SLC67A2: variants seen among roughly 807,000 people sequenced by gnomAD.
SLC67A2 encodes the protein solute carrier family 67 member A2.
chr2:102,726,048 C>CA, the SLC67A2 span, among the ~76,000 whole-genome samples: 1 of 152,192 alleles, frequency 6.6e-6, no homozygotes, highest in Non-Finnish European at 1.5e-5. Flanking sequence ...CGCTACGCCG[C>CA]ATTCACAGGA....
chr2:102,720,747 G>A, the SLC67A2 span, among the ~76,000 whole-genome samples: 1 of 152,212 alleles, frequency 6.6e-6, no homozygotes, highest in Non-Finnish European at 1.5e-5. Context: ...TCCAGAGTTT[G>A]GAGTTCCTAA....
At chr2:102,730,212 C>T in the SLC67A2 span, among the ~76,000 whole-genome samples, 1 of 151,928 alleles carries the variant, frequency 6.6e-6, no homozygotes, top group African/African-American at 2.4e-5. Flanking sequence ...ATCTGTGTTT[C>T]TTTTTTTTGA....
chr2:102,736,767 A>C, the SLC67A2 span: 2 of 1,613,536 alleles, frequency 1.2e-6, no homozygotes, highest in African/African-American at 2.7e-5. Context: ...CTCCGAGACC[A>C]GCCTCGGGGC....
At chr2:102,734,027 T>A in the SLC67A2 span, among the ~76,000 whole-genome samples, 2 of 152,322 alleles carry the variant, frequency 1.3e-5, no homozygotes, top group Non-Finnish European at 2.9e-5. Flanking sequence ...GGCAACTCCT[T>A]TCTGCTTCTC....
chr2:102,720,722 C>A, the SLC67A2 span, among the ~76,000 whole-genome samples: 1 of 152,172 alleles, frequency 6.6e-6, no homozygotes, highest in South Asian at 2.1e-4. Context: ...GGATTTGAAC[C>A]TGAGTCTGTC....
the SLC67A2 span, chr2:102,732,555 C>G: frequency 1.6e-6 from 1 of 636,324 alleles, no homozygotes; most frequent in South Asian, 2.5e-5. Flanking sequence ...GCATGCCATA[C>G]AAATCCGCTG....
chr2:102,735,516 G>C, the SLC67A2 span, among the ~76,000 whole-genome samples: 1 of 152,086 alleles, frequency 6.6e-6, no homozygotes, highest in Admixed American at 6.5e-5. Context: ...AGGCCTCAAA[G>C]GCAGCCTTCT....
the SLC67A2 span, chr2:102,732,254 T>C: frequency 7.7e-7 from 1 of 1,295,460 alleles, no homozygotes; most frequent in Admixed American, 1.8e-5. Flanking sequence ...AATTGAATTG[T>C]TTTCAGGTAC....
chr2:102,719,260 C>G, the SLC67A2 span: 78 of 1,539,910 alleles, frequency 5.1e-5, no homozygotes, highest in Non-Finnish European at 6.9e-5. Flanking sequence ...TGAATCCATA[C>G]ACTACCTCCT....
At chr2:102,730,975 C>A in the SLC67A2 span, 31 of 1,540,566 alleles carry the variant, frequency 2.0e-5, no homozygotes, top group Admixed American at 5.1e-5. Flanking sequence ...AACTTCAAGT[C>A]CCCAATTTTA....
At chr2:102,726,291 C>T in the SLC67A2 span, among the ~76,000 whole-genome samples, 2 of 152,154 alleles carry the variant, frequency 1.3e-5, no homozygotes, top group East Asian at 1.9e-4. Flanking sequence ...AGAACAGGAA[C>T]CTCAGTGCTG....
the SLC67A2 span, among the ~76,000 whole-genome samples, chr2:102,729,324 A>G: frequency 1.3e-5 from 2 of 152,344 alleles, no homozygotes; most frequent in East Asian, 3.9e-4. Context: ...AGGTACTCTG[A>G]TAAGTAAGAG....
chr2:102,727,367 C>G, the SLC67A2 span, among the ~76,000 whole-genome samples: 1 of 152,080 alleles, frequency 6.6e-6, no homozygotes. Context: ...AACAAAATGA[C>G]CAATACAAAA....
the SLC67A2 span, chr2:102,718,519 G>A: frequency 6.2e-6 from 10 of 1,605,994 alleles, no homozygotes; most frequent in South Asian, 7.7e-5. Flanking sequence ...CGCCCAGGCT[G>A]GGGGGGCCGC....
chr2:102,730,629 G>A, the SLC67A2 span, among the ~76,000 whole-genome samples: 5 of 148,418 alleles, frequency 3.4e-5, no homozygotes, highest in South Asian at 2.1e-4. Flanking sequence ...TGCAAACTCC[G>A]CCTCCCGGCT....
At chr2:102,736,605 C>A in the SLC67A2 span, 3 of 1,613,586 alleles carry the variant, frequency 1.9e-6, no homozygotes, top group African/African-American at 4.0e-5. Context: ...CAGGCCCGAA[C>A]ACAGTCAGCA....
the SLC67A2 span, chr2:102,727,123 G>T: frequency 1.3e-6 from 1 of 782,858 alleles, no homozygotes; most frequent in Non-Finnish European, 1.9e-6. Flanking sequence ...ATTTGTCAGA[G>T]TAAGTTATTT....
At chr2:102,723,844 G>C in the SLC67A2 span, 5 of 1,614,042 alleles carry the variant, frequency 3.1e-6, no homozygotes, top group Middle Eastern at 1.6e-4. Context: ...ACAAGCGGCC[G>C]TTCCTTCTCT....
chr2:102,734,523 C>T, the SLC67A2 span, among the ~76,000 whole-genome samples: 1 of 150,978 alleles, frequency 6.6e-6, no homozygotes, highest in Non-Finnish European at 1.5e-5. Context: ...TCTTAGAGGT[C>T]TCTACATCCC....
Sources: allele counts gnomAD v4.1 joint callset (sites outside exome capture counted in the v4.1 genomes callset), GRCh38; gene constraint gnomAD v4.1.1; transcripts MANE v1.5; gene names NCBI Gene and HGNC (gene_info 2026-07-23, HGNC 2026-07-21).